The following TUBD1 variants were observed in gnomAD, a reference collection of about 807,000 sequenced individuals.
The protein encoded by TUBD1 is tubulin delta 1.
Under a neutral mutation model 51.2 loss-of-function variants are expected in TUBD1, and 38 were observed. That is an observed-to-expected ratio of 0.74 (90% confidence interval 0.57 to 0.97). The LOEUF (loss-of-function observed/expected upper bound fraction) is 0.97. Ranked by LOEUF, TUBD1 falls within the 50% of genes least tolerant of loss-of-function variation. The pLI is 0.00. For synonymous variants in TUBD1, 169 were observed against 178.2 expected (o/e 0.95, Z 0.41); for missense variants, 489 against 538.4 (o/e 0.91, Z 0.91).
In TUBD1 at chr17:59,891,012, C is replaced by G. The variant is rs758682188; in HGVS notation, c.-10G>C. 1 of 1,607,106 alleles carries G rather than the reference C, an allele frequency of 6.2e-7. No homozygotes were observed. Among genetic ancestry groups the G allele is most frequent in the South Asian group, 1.1e-5 (1 of 89,920 alleles). ...CTGTTACAATTGACATGCTGAGCCA[C>G]AAACTAGGTGTATTACCTCTAAAAA... is the stretch of plus-strand genomic sequence containing the variant. On this transcript the variant is annotated 5_prime_UTR_variant, in exon 2 of 9. Coordinates refer to ENST00000325752, the MANE Select transcript of TUBD1 (RefSeq NM_016261.4).
At chr17:59,866,580 A>C in intron 7 of TUBD1, 29 bp downstream of exon 7, 1 of 1,611,580 alleles carries the variant, frequency 6.2e-7, no homozygotes, top group Admixed American at 1.7e-5. Context: ...TACAAAATGT[A>C]AATCTTAATT....
chr17:59,888,859 G>A (rs1430462470), intron 2 of TUBD1, among the ~76,000 whole-genome samples: 1 of 151,700 alleles, frequency 6.6e-6, no homozygotes. Flanking sequence ...TTACAGGCAC[G>A]CACCACTACG....
intron 4 of TUBD1, 96 bp downstream of exon 4, chr17:59,880,798 G>T: frequency 1.7e-6 from 2 of 1,200,566 alleles, no homozygotes; most frequent in Non-Finnish European, 2.4e-6. Context: ...ACAGGCATAA[G>T]CCACCGCACC....
Position 59,886,247 on chromosome 17 carries a change from A to T in TUBD1, c.173-17T>A. On this transcript the variant is annotated splice_polypyrimidine_tract_variant and intron_variant, in intron 2 of 8. Coordinates refer to ENST00000325752, the MANE Select transcript of TUBD1 (RefSeq NM_016261.4). ...CAATTGGAACTAGAGGGGGAAAAAA[A>T]CCCAAAAACATCGAAAGAAAAAAAG... is the stretch of plus-strand genomic sequence containing the variant. 6.3e-7 allele frequency: 1 copy of T among 1,598,636 alleles called. No individual in the cohort carries two copies. The highest frequency in any genetic ancestry group is 8.5e-7 in the Non-Finnish European group (1 of 1,174,714).
intron 6 of TUBD1, among the ~76,000 whole-genome samples, chr17:59,873,158 T>C (rs903738107): frequency 6.6e-6 from 1 of 152,160 alleles, no homozygotes; most frequent in African/African-American, 2.4e-5. Flanking sequence ...TAGCTAGACG[T>C]TGAAAGTAGT....
intron 5 of TUBD1, among the ~76,000 whole-genome samples, chr17:59,876,385 C>T (rs1291610147): frequency 1.5e-5 from 2 of 137,256 alleles, no homozygotes; most frequent in Admixed American, 1.5e-4. Context: ...GATGGAGTTT[C>T]GCTCTTATTG....
At chr17:59,881,219 T>C in intron 3 of TUBD1, 109 bp from the exon 4 acceptor site, 1 of 881,888 alleles carries the variant, frequency 1.1e-6, no homozygotes, top group Non-Finnish European at 1.8e-6. Flanking sequence ...ACTACGGAAG[T>C]GAAGGAACTC....
rs1165660776 is a variant in TUBD1, at chr17:59,863,729, G to A, written c.1194C>T (p.Asn398=). 51 of 1,607,510 alleles carry A rather than the reference G, an allele frequency of 3.2e-5. No individual in the cohort carries two copies. The highest frequency in any genetic ancestry group is 4.2e-5 in the Non-Finnish European group (50 of 1,178,146). ...CAAGTGGTTTTACTAAGAACTGGCT[G>A]TTGCTGACCAACACTGCAGACTTCT... The part of the protein sequence containing the change: ...KYEKSAVLVS[N]SQFLVKPLDM... The change falls in exon 8 of 9, where the codon AAC becomes AAT. Residue 398 remains asparagine (N), a synonymous_variant. Transcript: ENST00000325752.
intron 8 of TUBD1, among the ~76,000 whole-genome samples, chr17:59,861,198 T>A (rs1044641074): frequency 2.0e-5 from 3 of 150,630 alleles, no homozygotes; most frequent in South Asian, 4.2e-4. Flanking sequence ...CCACAAAATT[T>A]TTTTTTTTTT....
intron 6 of TUBD1, among the ~76,000 whole-genome samples, chr17:59,869,738 G>C (rs1436765531): frequency 1.3e-5 from 2 of 152,000 alleles, no homozygotes; most frequent in Admixed American, 1.3e-4. Flanking sequence ...TCTAAAATCC[G>C]TAAGATATTA....
Position 59,866,622 on chromosome 17 carries a change from T to C in TUBD1, c.1062A>G (p.Gln354=). ...TGAATTTCTTACCCACATCTGCACT[T>C]TGCACATCTTTCCCACGAAGAATGA... The part of the protein sequence containing the change: ...NLVILRGKDV[Q]SADVEGFKDP... Residue 354 remains glutamine, a synonymous_variant, in exon 7 of 9, where the codon CAA becomes CAG. Coordinates refer to ENST00000325752, the MANE Select transcript of TUBD1 (RefSeq NM_016261.4). 1 of 1,613,994 alleles carries C rather than the reference T, an allele frequency of 6.2e-7. No homozygotes were observed.
intron 2 of TUBD1, among the ~76,000 whole-genome samples, chr17:59,890,035 G>A (rs2040925653): frequency 8.9e-6 from 1 of 111,956 alleles, no homozygotes; most frequent in Non-Finnish European, 1.8e-5. Context: ...TGCACCTGCA[G>A]TCCCAGCTAC....
chr17:59,877,777 CAA>C (rs11288183), intron 5 of TUBD1, among the ~76,000 whole-genome samples: 290 of 128,922 alleles, frequency 2.2e-3, no homozygotes, highest in African/African-American at 5.7e-3. Context: ...GACTCTGTCT[CAA>C]AAAAAAAAAA....
intron 1 of TUBD1, among the ~76,000 whole-genome samples, 184 bp from the exon 2 acceptor site, chr17:59,891,225 G>A (rs1197273320): frequency 6.6e-6 from 1 of 152,092 alleles, no homozygotes; most frequent in African/African-American, 2.4e-5. Flanking sequence ...CCGCCTCCCA[G>A]GTTCAAGCGA....
chr17:59,888,157 G>C (rs144304514), intron 2 of TUBD1, among the ~76,000 whole-genome samples: 2 of 152,004 alleles, frequency 1.3e-5, no homozygotes, highest in East Asian at 1.9e-4. Context: ...GGATGGTCTC[G>C]ATCTCCTGAC....
chr17:59,866,583 T>A (rs1470254285), intron 7 of TUBD1, 26 bp downstream of exon 7: 3 of 1,611,822 alleles, frequency 1.9e-6, no homozygotes. Flanking sequence ...AAAATGTAAA[T>A]CTTAATTTTC....
In TUBD1 at chr17:59,889,706, G is replaced by C. The variant is rs1046681802; in HGVS notation, c.172+1125C>G. Among the ~76,000 whole-genome samples the C allele has an allele frequency of 2.8e-5, 4 of 144,420 alleles. No individual in the cohort carries two copies. In the Admixed American group the frequency reaches 2.8e-4, roughly 10 times the overall value. 94.7% of individuals were successfully genotyped at this position (144,420 alleles called of 152,430 possible). A position where few individuals can be genotyped will look rare whatever the true frequency, so the allele number is the denominator to read the frequency against. On this transcript the variant is annotated intron_variant, in intron 2 of 8. Coordinates refer to ENST00000325752, the MANE Select transcript of TUBD1 (RefSeq NM_016261.4). ...AAAAAAAGAAAAAGAAAAAGAAAGA[G>C]AGCCTGTAATCCCATCACTTTGGGA...
Position 59,863,668 on chromosome 17 carries a change from A to AAGC in TUBD1, c.1252_1254dup (p.Ala418dup). On this transcript the variant is annotated inframe_insertion, in exon 8 of 9. Coordinates refer to ENST00000325752, the MANE Select transcript of TUBD1 (RefSeq NM_016261.4). Reference sequence around the variant, plus strand: ...GTAGACTTATTTTATACTTACTTTGAAGCAAACATATTCCATGCCTTCCCA... The same window carrying AAGC: ...GTAGACTTATTTTATACTTACTTTGAAGCAGCAAACATATTCCATGCCTTCCCA... 6.4e-7 allele frequency: 1 copy of AAGC among 1,550,748 alleles called. No homozygotes were observed.
intron 7 of TUBD1, among the ~76,000 whole-genome samples, chr17:59,864,762 G>A (rs1428873737): frequency 6.6e-6 from 1 of 152,098 alleles, no homozygotes; most frequent in African/African-American, 2.4e-5. Flanking sequence ...CCAAAGTGCT[G>A]GGATTACAGG....
Sources: gnomAD v4.1 joint callset for allele counts (sites outside exome capture counted in the v4.1 genomes callset) on GRCh38, gnomAD v4.1.1 for gene constraint, MANE v1.5 for transcripts, NCBI Gene and HGNC (gene_info 2026-07-23, HGNC 2026-07-21) for gene names.